Variants in SAMD8 observed in about 807,000 individuals in gnomAD.
The protein encoded by SAMD8 is sphingomyelin synthase-related protein 1.
Under a neutral mutation model 42.0 loss-of-function variants are expected in SAMD8, and 20 were observed. The ratio of observed to expected loss-of-function variants is 0.48; its 90% CI spans 0.34 to 0.69. The LOEUF is 0.69. Ranked by LOEUF, SAMD8 falls within the 30% of genes least tolerant of loss-of-function variation. The pLI is 0.01. For synonymous variants in SAMD8, 162 were observed against 173.0 expected (o/e 0.94, Z 0.50); for missense variants, 328 against 511.6 (o/e 0.64, Z 3.46).
At chr10:75,108,067 G>A (rs773163804), upstream of SAMD8, 11 of 1,613,940 alleles carry the variant, frequency 6.8e-6, 1 homozygote, top group South Asian at 1.2e-4. Context: ...AAATCAGGGA[G>A]GTCGTGGGCT....
upstream of SAMD8, chr10:75,109,170 C>T (rs778425532): frequency 7.2e-5 from 113 of 1,565,074 alleles, no homozygotes; most frequent in Non-Finnish European, 9.5e-5. Context: ...GCCAGCCCGC[C>T]CACCCCTCTG....
rs1840982507 is a variant in SAMD8, at chr10:75,176,007, T to C, written c.793-59T>C. On this transcript the variant is annotated intron_variant, in intron 4 of 5. Coordinates refer to ENST00000542569, the MANE Select transcript of SAMD8 (RefSeq NM_001174156.2). This position sits in a 1 kb window ranked among gnomAD's most constrained non-coding sequence, Gnocchi z 4.3. ...ATTTGAATTTCAATAGGAATGGATG[T>C]TGGGAAGTTCCCACCTCCCTAAGCA... 1 of 1,564,596 alleles carries C rather than the reference T, an allele frequency of 6.4e-7. No individual in the cohort carries two copies. Among genetic ancestry groups the C allele is most frequent in the Non-Finnish European group, 8.6e-7 (1 of 1,157,202 alleles).
intron 1 of SAMD8, among the ~76,000 whole-genome samples, chr10:75,102,506 A>G (rs945721236): frequency 6.6e-6 from 1 of 152,202 alleles, no homozygotes; most frequent in African/African-American, 2.4e-5. Context: ...GATCAAATAA[A>G]CCATTTTAAA....
intron 2 of SAMD8, among the ~76,000 whole-genome samples, chr10:75,159,948 G>C (rs540063748): frequency 6.6e-6 from 1 of 152,288 alleles, no homozygotes; most frequent in East Asian, 1.9e-4. Flanking sequence ...TCAGCATATA[G>C]AAACAGAAAA....
chr10:75,134,787 T>C (rs1244161730), intron 1 of SAMD8, among the ~76,000 whole-genome samples: 1 of 152,182 alleles, frequency 6.6e-6, no homozygotes, highest in Non-Finnish European at 1.5e-5. Context: ...ACTGGTGTGG[T>C]GGCTTATGCC....
intron 1 of SAMD8, among the ~76,000 whole-genome samples, chr10:75,146,251 C>T (rs1840128976): frequency 6.9e-6 from 1 of 143,952 alleles, no homozygotes; most frequent in South Asian, 2.2e-4. Context: ...AGGGATTTTC[C>T]TGATGTCCAG....
chr10:75,160,707 G>T (rs975454976), intron 2 of SAMD8, among the ~76,000 whole-genome samples: 2 of 152,148 alleles, frequency 1.3e-5, no homozygotes, highest in African/African-American at 4.8e-5. Context: ...TTGGAAAGTA[G>T]AACGCTAAGT....
intron 1 of SAMD8, among the ~76,000 whole-genome samples, chr10:75,142,855 T>C (rs2134464678): frequency 6.6e-6 from 1 of 152,004 alleles, no homozygotes; most frequent in East Asian, 1.9e-4. Flanking sequence ...TCAATACAAA[T>C]GAATATCCTT....
At chr10:75,123,063 C>T (rs1291964188) in intron 1 of SAMD8, among the ~76,000 whole-genome samples, 2 of 152,116 alleles carry the variant, frequency 1.3e-5, no homozygotes, top group Non-Finnish European at 2.9e-5. Context: ...GGCCCTTCTA[C>T]AGACACCATC....
At chr10:75,112,398 A>C (rs756897936) in intron 1 of SAMD8, among the ~76,000 whole-genome samples, 1 of 152,218 alleles carries the variant, frequency 6.6e-6, no homozygotes, top group Non-Finnish European at 1.5e-5. Context: ...GCATTTTTAC[A>C]GGTGCCTTTT....
intron 1 of SAMD8, among the ~76,000 whole-genome samples, chr10:75,120,939 C>A (rs944945013): frequency 6.6e-6 from 1 of 151,896 alleles, no homozygotes. Flanking sequence ...CACCACCACA[C>A]CTGGCTAATT....
At chr10:75,141,752 A>G (rs1184236228) in intron 1 of SAMD8, among the ~76,000 whole-genome samples, 2 of 151,816 alleles carry the variant, frequency 1.3e-5, no homozygotes, top group Non-Finnish European at 2.9e-5. Flanking sequence ...CGTGTTAGCC[A>G]GGATGGTCTC....
chr10:75,169,880 G>C (rs977991506), intron 4 of SAMD8, among the ~76,000 whole-genome samples: 1 of 152,176 alleles, frequency 6.6e-6, no homozygotes, highest in Non-Finnish European at 1.5e-5. Flanking sequence ...TTGTACTCCA[G>C]CCTGGGCAAC....
intron 2 of SAMD8, among the ~76,000 whole-genome samples, chr10:75,151,599 A>G (rs1564688563): frequency 6.6e-6 from 1 of 152,002 alleles, no homozygotes; most frequent in Non-Finnish European, 1.5e-5. Flanking sequence ...CGATCCTCCC[A>G]CCTTGGCCTC....
At chr10:75,159,450 C>G (rs1456881865) in intron 2 of SAMD8, among the ~76,000 whole-genome samples, 6 of 152,148 alleles carry the variant, frequency 3.9e-5, no homozygotes, top group Admixed American at 3.9e-4. Context: ...ACTCCATGGT[C>G]TTAAACATCT....
chr10:75,104,696 C>T (rs1320150841), intron 1 of SAMD8, among the ~76,000 whole-genome samples: 3 of 152,200 alleles, frequency 2.0e-5, no homozygotes, highest in Non-Finnish European at 2.9e-5. Context: ...AGGCCAATCT[C>T]AAGCCCAGCT....
At position 75,105,964 on chromosome 10, in the gene SAMD8, G is replaced by A. The variant is rs567549733; in HGVS notation, c.-16+6236G>A. ...AAGTTCCTTTCCTGACCCTGCCTTG[G>A]GTGCACTCTGTGATCCTGAGCAAGT... On this transcript the variant is annotated intron_variant, in intron 1 of 3. Transcript: ENST00000447533. 2.6e-4 allele frequency: 301 copies of A among 1,166,514 alleles called. 5 individuals are homozygous for A. In the South Asian group the frequency reaches 4.1e-3, roughly 16 times the overall value. The allele number at this position is 1,166,514 out of a possible 1,614,324, so 72.3% of individuals were successfully genotyped here. A position where few individuals can be genotyped will look rare whatever the true frequency, so the allele number is the denominator to read the frequency against.
intron 2 of SAMD8, among the ~76,000 whole-genome samples, chr10:75,161,601 TAAA>T (rs957853852): frequency 6.6e-6 from 1 of 150,546 alleles, no homozygotes; most frequent in East Asian, 1.9e-4. Context: ...GACGAACACT[TAAA>T]AAAAAACTTT....
intron 1 of SAMD8, 149 bp from the exon 2 acceptor site, chr10:75,150,365 T>C (rs1840258107): frequency 7.6e-7 from 1 of 1,314,970 alleles, no homozygotes; most frequent in Non-Finnish European, 1.0e-6. Flanking sequence ...TAAGTGATCC[T>C]CCCAACTCAG....
Sources: allele counts gnomAD v4.1 joint callset (sites outside exome capture counted in the v4.1 genomes callset), GRCh38; gene constraint gnomAD v4.1.1; non-coding constraint Gnocchi (gnomAD v3.1); transcripts MANE v1.5; gene names NCBI Gene and HGNC (gene_info 2026-07-23, HGNC 2026-07-21).